The following PKP2 variants were observed in gnomAD, a reference collection of about 807,000 sequenced individuals.
The protein encoded by PKP2 is plakophilin 2.
PKP2 carries 73 observed loss-of-function variants against 83.4 expected under a neutral mutation model. The ratio of observed to expected loss-of-function variants is 0.88; its 90% CI spans 0.72 to 1.06. The LOEUF is 1.06. PKP2 is among the 50% of genes least tolerant of loss of function. PKP2 has a pLI of 0.00. For synonymous variants in PKP2, 409 were observed against 430.4 expected, an observed-to-expected ratio of 0.95 and a Z score of 0.62; for missense variants, 966 against 1,065.4, an observed-to-expected ratio of 0.91 and a Z score of 1.30.
chr12:32,856,728 T>C (rs1284939313), intron 4 of PKP2, among the ~76,000 whole-genome samples: 1 of 151,304 alleles, frequency 6.6e-6, no homozygotes, highest in Non-Finnish European at 1.5e-5. Flanking sequence ...GTTGTGCACA[T>C]GTACCCTAGA....
chr12:32,850,923 C>T lies in PKP2; in HGVS notation c.1221G>A (p.Gln407=). ...ILKLLQLLKV[Q]NEDVQRAVCG... is the part of the protein sequence containing the mutation. ...ACACAGCTCGCTGAACGTCTTCATT[C>T]TGAACTTTTAGGAGCTGCAGAAGCT... Residue 407 remains glutamine (Q), a synonymous_variant, in exon 5 of 13, where the codon CAG becomes CAA. Coordinates refer to ENST00000340811, the MANE Select transcript of PKP2 (RefSeq NM_001005242.3). The T allele has an allele frequency of 1.9e-6, 3 of 1,614,168 alleles. No individual in the cohort carries two copies. Among genetic ancestry groups the T allele is most frequent in the Non-Finnish European group, 2.5e-6 (3 of 1,180,010 alleles).
intron 9 of PKP2, among the ~76,000 whole-genome samples, chr12:32,814,119 C>A (rs1460105791): frequency 6.6e-6 from 1 of 152,180 alleles, no homozygotes; most frequent in Non-Finnish European, 1.5e-5. Flanking sequence ...CGCTTCTACA[C>A]TATTCCGTTT....
At chr12:32,884,537 A>G (rs1291313040) in intron 1 of PKP2, among the ~76,000 whole-genome samples, 16 of 152,210 alleles carry the variant, frequency 1.1e-4, no homozygotes, top group Admixed American at 1.0e-3. Flanking sequence ...AACTTATATT[A>G]AACAAATTTG....
At chr12:32,808,637 ATTCT>A (rs1228227041) in intron 9 of PKP2, among the ~76,000 whole-genome samples, 1 of 152,088 alleles carries the variant, frequency 6.6e-6, no homozygotes, top group Admixed American at 6.5e-5. Context: ...TTTTGCATTG[ATTCT>A]TTCTCATCTT....
At chr12:32,834,976 C>CGTGTGTGT (rs10629969) in intron 6 of PKP2, among the ~76,000 whole-genome samples, 25,211 of 119,130 alleles carry the variant, frequency 0.21, 3,202 homozygotes, top group Non-Finnish European at 0.27. Flanking sequence ...TCACAATAGG[C>CGTGTGTGT]GTGTGTGTGT....
chr12:32,861,519 A>T (rs1175219112), intron 4 of PKP2, among the ~76,000 whole-genome samples: 2 of 152,212 alleles, frequency 1.3e-5, no homozygotes, highest in African/African-American at 4.8e-5. Context: ...AGCAAATGTA[A>T]AGCATAGGAA....
intron 6 of PKP2, among the ~76,000 whole-genome samples, chr12:32,833,429 T>C (rs1956518262): frequency 6.6e-6 from 1 of 152,134 alleles, no homozygotes; most frequent in Non-Finnish European, 1.5e-5. Context: ...AAAATGTACA[T>C]GGAGACATTC....
At chr12:32,840,209 ACTG>A (rs1247826842) in intron 6 of PKP2, among the ~76,000 whole-genome samples, 1 of 152,220 alleles carries the variant, frequency 6.6e-6, no homozygotes, top group African/African-American at 2.4e-5. Flanking sequence ...AGCTTTGAGA[ACTG>A]CTGCTCTAAC....
At chr12:32,851,101 G>T in intron 4 of PKP2, 128 bp from the exon 5 acceptor site, 1 of 755,464 alleles carries the variant, frequency 1.3e-6, no homozygotes, top group Non-Finnish European at 2.3e-6. Context: ...ACTATGTGTA[G>T]CACAACTGAG....
chr12:32,881,830 G>A (rs565675922), intron 1 of PKP2, among the ~76,000 whole-genome samples: 30 of 152,186 alleles, frequency 2.0e-4, no homozygotes, highest in Admixed American at 1.2e-3. Flanking sequence ...GCTGAGGCTC[G>A]CGCCTAGGCT....
intron 10 of PKP2, among the ~76,000 whole-genome samples, chr12:32,796,811 A>G (rs1180966730): frequency 6.6e-6 from 1 of 152,222 alleles, no homozygotes; most frequent in African/African-American, 2.4e-5. Context: ...TGCTCAGTAT[A>G]TTGAAAATCT....
intron 8 of PKP2, chr12:32,821,730 T>C: frequency 1.8e-6 from 1 of 565,140 alleles, no homozygotes; most frequent in Non-Finnish European, 3.1e-6. Context: ...TTCTTCCTAA[T>C]AACACTCCAC....
intron 3 of PKP2, among the ~76,000 whole-genome samples, chr12:32,874,528 T>C (rs974454627): frequency 3.9e-5 from 6 of 152,204 alleles, no homozygotes; most frequent in African/African-American, 1.2e-4. Context: ...AAGAGATTTC[T>C]TACTCATTAT....
chr12:32,896,442 C>CG (rs1591835893), intron 1 of PKP2, 67 bp downstream of exon 1: 1 of 1,218,256 alleles, frequency 8.2e-7, no homozygotes, highest in African/African-American at 1.6e-5. Context: ...GGGGTGAGGG[C>CG]GGGATAGGAG....
chr12:32,893,877 C>A (rs1361071889), intron 1 of PKP2: 1 of 144,322 alleles, frequency 6.9e-6, no homozygotes, highest in Non-Finnish European at 1.5e-5. Context: ...CTCCAGGAAG[C>A]TTTTCAAAAT....
At chr12:32,869,460 CCTGTAATCTCAGGTGTAATA>C (rs1471204393) in intron 3 of PKP2, among the ~76,000 whole-genome samples, 1 of 151,774 alleles carries the variant, frequency 6.6e-6, no homozygotes, top group Non-Finnish European at 1.5e-5. Context: ...GTGGTATACA[CCTGTAATCTCAGGTGTAATA>C]CTGTAATACT....
chr12:32,827,255 T>C (rs1480178428), intron 6 of PKP2, among the ~76,000 whole-genome samples: 1 of 152,214 alleles, frequency 6.6e-6, no homozygotes, highest in East Asian at 1.9e-4. Context: ...TCTACTTGCT[T>C]GAAATGGGAC....
At position 32,873,250 on chromosome 12, in the gene PKP2, C is replaced by T. The variant is rs185606923; in HGVS notation, c.1035-4188G>A. 4.0e-3 allele frequency among the ~76,000 whole-genome samples: 610 copies of T among 152,096 alleles called. 5 individuals are homozygous for T. Among genetic ancestry groups the T allele is most frequent in the Non-Finnish European group, 4.4e-3 (301 of 67,978 alleles). ...GAGTAGTTGGGGCTACAGGCATGCA[C>T]CACCATGCCCAGCTAATTCTTGTAC... On this transcript the variant is annotated intron_variant, in intron 3 of 12. Transcript: ENST00000340811.
At chr12:32,854,258 C>T (rs1956726080) in intron 4 of PKP2, among the ~76,000 whole-genome samples, 1 of 152,208 alleles carries the variant, frequency 6.6e-6, no homozygotes, top group Non-Finnish European at 1.5e-5. Context: ...TCACCTTTAT[C>T]ACCTTGGCTT....
Sources: gnomAD v4.1 joint callset for allele counts (sites outside exome capture counted in the v4.1 genomes callset) on GRCh38, gnomAD v4.1.1 for gene constraint, MANE v1.5 for transcripts, NCBI Gene and HGNC (gene_info 2026-07-23, HGNC 2026-07-21) for gene names.